Variants in SNRPN observed in about 807,000 individuals in gnomAD.
The protein encoded by SNRPN is small nuclear ribonucleoprotein polypeptide N, also known as small nuclear ribonucleoprotein-associated protein N.
In SNRPN, 7 loss-of-function variants were observed where a neutral mutation model predicts 25.2. That is an observed-to-expected ratio of 0.28 (90% CI 0.16 to 0.52). The LOEUF (loss-of-function observed/expected upper bound fraction) is 0.52, where lower values mean the gene tolerates loss of function less well. SNRPN is among the 20% of genes least tolerant of loss of function. The probability of loss-of-function intolerance (pLI) is 0.96; values close to 1 mark genes in which losing one functional copy is unlikely to be tolerated. For missense variants in SNRPN, 196 were observed against 322.5 expected, an observed-to-expected ratio of 0.61 and a Z score of 3.00; for synonymous variants, 124 against 110.6, an observed-to-expected ratio of 1.12 and a Z score of -0.76.
intron 2 of SNRPN, among the ~76,000 whole-genome samples, chr15:24,964,606 C>A (rs1375654077): frequency 1.3e-5 from 2 of 152,116 alleles, no homozygotes; most frequent in African/African-American, 4.8e-5. Flanking sequence ...CCTCTCCCTT[C>A]ATTCTTTTGC....
At chr15:24,976,702 G>T (rs561477099) in intron 6 of SNRPN, among the ~76,000 whole-genome samples, 175 bp from the exon 7 acceptor site, 4 of 152,294 alleles carry the variant, frequency 2.6e-5, no homozygotes, top group African/African-American at 7.2e-5. Context: ...CAAATAATGT[G>T]CATTTTATAC....
At chr15:24,953,860 A>G (rs1023516808), upstream of SNRPN, among the ~76,000 whole-genome samples, 4 of 152,178 alleles carry the variant, frequency 2.6e-5, no homozygotes, top group African/African-American at 9.7e-5. Context: ...GGAACATTAC[A>G]CAGTTTCTGA....
intron 2 of SNRPN, among the ~76,000 whole-genome samples, chr15:24,839,122 A>G (rs2051460856): frequency 6.6e-6 from 1 of 151,976 alleles, no homozygotes; most frequent in Non-Finnish European, 1.5e-5. Context: ...TTTCCCATGC[A>G]TTGGAGTGTA....
In SNRPN at chr15:24,923,923, A is replaced by ATT. The variant is rs34575205; in HGVS notation, c.-391+3823_-391+3824dup. Among the ~76,000 whole-genome samples, 306 of 89,914 alleles carry ATT rather than the reference A, an allele frequency of 3.4e-3. 40 individuals carry two copies. The highest frequency in any genetic ancestry group is 4.6e-3 in the African/African-American group (99 of 21,490). 59.0% of individuals were successfully genotyped at this position (89,914 alleles called of 152,430 possible). A position where few individuals can be genotyped will look rare whatever the true frequency, so the allele number is the denominator to read the frequency against. The stretch of plus-strand genomic sequence containing the variant: ...TGTGTGTGTGTGTGTGTATATAAAC[A>ATT]TTTTTTTTTTTTTTTTTTTTTTTTT... On this transcript the variant is annotated intron_variant, in intron 3 of 11. Coordinates refer to the SNRPN transcript ENST00000400097.
chr15:24,975,257 A>G, intron 4 of SNRPN, 101 bp from the exon 5 acceptor site: 2 of 908,196 alleles, frequency 2.2e-6, no homozygotes, highest in Non-Finnish European at 3.4e-6. Context: ...TTAGTTAAGG[A>G]AACCAGGCTT....
chr15:24,969,198 G>A (rs1003606023), intron 3 of SNRPN, among the ~76,000 whole-genome samples: 4 of 151,846 alleles, frequency 2.6e-5, no homozygotes, highest in Admixed American at 6.6e-5. Flanking sequence ...GTATGGTTTC[G>A]GCTCACTGCA....
chr15:24,976,199 A>AT (rs2077041983), intron 5 of SNRPN, 106 bp from the exon 6 acceptor site: 1 of 852,934 alleles, frequency 1.2e-6, no homozygotes, highest in African/African-American at 1.7e-5. Flanking sequence ...AACTCAGTAA[A>AT]TGTTTAGCAT....
Position 24,929,143 on chromosome 15 carries a change from T to C in SNRPN, c.-391+9019T>C, listed in dbSNP as rs1319636078. On this transcript the variant is annotated intron_variant, in intron 3 of 11. Coordinates refer to the SNRPN transcript ENST00000400097. This position sits in a 1 kb window ranked among gnomAD's most constrained non-coding sequence, Gnocchi z 5.3. ...AGATATAGCTATATGTATGTGACTA[T>C]ATGTATTGTGTATATATGTATGTAG... 6.6e-6 allele frequency among the ~76,000 whole-genome samples: 1 copy of C among 152,100 alleles called. No homozygotes were observed. Among genetic ancestry groups the C allele is most frequent in the Non-Finnish European group, 1.5e-5 (1 of 68,036 alleles).
Position 24,978,566 on chromosome 15 carries a change from A to G in SNRPN, c.*122A>G. ...TAATAATAGCTAATAATAAATGCATAGAGCAATTAAACTGTGAGGTACTGT... is the reference window on the plus strand; with the variant it reads ...TAATAATAGCTAATAATAAATGCATGGAGCAATTAAACTGTGAGGTACTGT... On this transcript the variant is annotated 3_prime_UTR_variant, in exon 10 of 10. Coordinates refer to ENST00000390687, the MANE Select transcript of SNRPN (RefSeq NM_003097.6). The G allele has an allele frequency of 1.1e-6, 1 of 909,072 alleles. No individual in the cohort carries two copies. Among genetic ancestry groups the G allele is most frequent in the African/African-American group, 1.6e-5 (1 of 60,832 alleles). The allele number at this position is 909,072 out of a possible 1,614,324, so 56.3% of individuals were successfully genotyped here.
chr15:24,918,662 C>T (rs2059755126), intron 2 of SNRPN, among the ~76,000 whole-genome samples: 2 of 95,422 alleles, frequency 2.1e-5, no homozygotes, highest in Non-Finnish European at 3.9e-5. Flanking sequence ...ATATATATAA[C>T]ATAATATATA....
In SNRPN at chr15:24,913,642, T is replaced by G. The variant is rs567681746; in HGVS notation, c.-504-6369T>G. On this transcript the variant is annotated intron_variant, in intron 2 of 11. Coordinates refer to the SNRPN transcript ENST00000400097. ...GCCTGGGTGACATAGTGAGACTCCG[T>G]CTCAAAAAAACAAAACAAAACAAAA... is the stretch of plus-strand genomic sequence containing the variant. Among the ~76,000 whole-genome samples, 364 of 127,180 alleles carry G rather than the reference T, an allele frequency of 2.9e-3. 2 individuals carry two copies. Among genetic ancestry groups the G allele is most frequent in the African/African-American group, 0.012 (345 of 29,908 alleles). The allele number at this position is 127,180 out of a possible 152,430, so 83.4% of individuals were successfully genotyped here. A position where few individuals can be genotyped will look rare whatever the true frequency, so the allele number is the denominator to read the frequency against.
upstream of SNRPN, among the ~76,000 whole-genome samples, chr15:24,854,556 C>T (rs1346415049): frequency 1.3e-5 from 2 of 152,180 alleles, no homozygotes; most frequent in African/African-American, 2.4e-5. Context: ...GCTACCCATC[C>T]AATGAAGAAG....
chr15:24,965,363 C>A (rs2075455783), intron 2 of SNRPN, among the ~76,000 whole-genome samples: 1 of 151,926 alleles, frequency 6.6e-6, no homozygotes, highest in Non-Finnish European at 1.5e-5. Flanking sequence ...CATGGTGAAA[C>A]CTCATCTCTA....
intron 2 of SNRPN, among the ~76,000 whole-genome samples, chr15:24,902,757 T>C (rs1472684983): frequency 6.6e-6 from 1 of 152,180 alleles, no homozygotes; most frequent in African/African-American, 2.4e-5. Context: ...CTCGCCGGCT[T>C]CAGGAGTGAA....
At position 24,974,426 on chromosome 15, in the gene SNRPN, G is replaced by A; in HGVS notation, c.-28G>A. 5 of 1,612,334 alleles carry A rather than the reference G, an allele frequency of 3.1e-6. No homozygotes were observed. Among genetic ancestry groups the A allele is most frequent in the Non-Finnish European group, 4.2e-6 (5 of 1,178,462 alleles). On this transcript the variant is annotated 5_prime_UTR_variant, in exon 4 of 10. Coordinates refer to ENST00000390687, the MANE Select transcript of SNRPN (RefSeq NM_003097.6). ...TTCAGAAGCATCAAGTTTTAACTGTGGACATTGGATTTGGTGGAACAGCAA... is the reference window on the plus strand; with the variant it reads ...TTCAGAAGCATCAAGTTTTAACTGTAGACATTGGATTTGGTGGAACAGCAA...
At chr15:24,945,562 A>T (rs1009032367) in intron 3 of SNRPN, among the ~76,000 whole-genome samples, 2 of 152,028 alleles carry the variant, frequency 1.3e-5, no homozygotes, top group Non-Finnish European at 2.9e-5. Context: ...TTAAAAAAAA[A>T]ATATACAGGC....
intron 2 of SNRPN, among the ~76,000 whole-genome samples, chr15:24,889,573 G>A (rs1042840259): frequency 4.6e-5 from 7 of 151,788 alleles, no homozygotes; most frequent in African/African-American, 1.7e-4. Context: ...CCAAAGTGCT[G>A]GGATTACAGG....
At chr15:24,917,999 A>C (rs2059638778) in intron 2 of SNRPN, among the ~76,000 whole-genome samples, 1 of 152,134 alleles carries the variant, frequency 6.6e-6, no homozygotes, top group Non-Finnish European at 1.5e-5. Context: ...TTTATGGGCA[A>C]ATTTGTTCCC....
At chr15:24,910,915 CT>C in intron 2 of SNRPN, 1 of 724,770 alleles carries the variant, frequency 1.4e-6, no homozygotes, top group South Asian at 1.6e-5. Context: ...ATAAGCCTTG[CT>C]TTTCCTCCTG....
Sources: gnomAD v4.1 joint callset for allele counts (sites outside exome capture counted in the v4.1 genomes callset) on GRCh38, gnomAD v4.1.1 for gene constraint, Gnocchi (gnomAD v3.1) non-coding constraint, MANE v1.5 for transcripts, NCBI Gene and HGNC (gene_info 2026-07-23, HGNC 2026-07-21) for gene names.